The following KDM3A variants were observed in gnomAD, a reference collection of about 807,000 sequenced individuals.
The protein encoded by KDM3A is lysine demethylase 3A, also known as lysine-specific demethylase 3A.
A neutral mutation model predicts 158.0 loss-of-function variants in KDM3A; 60 were observed. The observed-to-expected ratio is 0.38, with a 90% CI of 0.31 to 0.47. The LOEUF (loss-of-function observed/expected upper bound fraction) is 0.47. KDM3A is among the 20% of genes least tolerant of loss of function. The probability of loss-of-function intolerance (pLI) is 0.99; values close to 1 mark genes in which losing one functional copy is unlikely to be tolerated. For synonymous variants in KDM3A, 608 were observed against 549.3 expected (o/e 1.11, Z -1.49); for missense variants, 1,319 against 1,574.3 (o/e 0.84, Z 2.74).
At chr2:86,471,012 T>G (rs561955682) in intron 11 of KDM3A, among the ~76,000 whole-genome samples, 1 of 152,126 alleles carries the variant, frequency 6.6e-6, no homozygotes, top group Non-Finnish European at 1.5e-5. Flanking sequence ...TTACTAGAAG[T>G]GGCATTTCTG....
chr2:86,489,887 T>G, intron 23 of KDM3A: 1 of 413,012 alleles, frequency 2.4e-6, no homozygotes, highest in Non-Finnish European at 4.3e-6. Flanking sequence ...GTCTGTGTTT[T>G]GTGTTAGAGT....
chr2:86,457,151 A>T, intron 8 of KDM3A, 80 bp downstream of exon 8: 1 of 512,318 alleles, frequency 2.0e-6, no homozygotes, highest in South Asian at 7.5e-5. Flanking sequence ...TTTATTATTT[A>T]TTTAATTATT....
chr2:86,449,866 C>T lies in KDM3A; in HGVS notation c.246C>T (p.Ser82=), dbSNP rs1672368091. 6.2e-7 allele frequency: 1 copy of T among 1,613,290 alleles called. No individual in the cohort carries two copies. The highest frequency in any genetic ancestry group is 1.3e-5 in the African/African-American group (1 of 74,922). ...WRKRRWIEVY[S]LLRRAFLVEH... Reference sequence around the variant, plus strand: ...AAAGAAGATGGATAGAAGTCTACAGCCTTCTAAGGAGAGCATTTTTAGTAG... The same window carrying T: ...AAAGAAGATGGATAGAAGTCTACAGTCTTCTAAGGAGAGCATTTTTAGTAG... The change falls in exon 3 of 26, where the codon AGC becomes AGT. Residue 82 remains serine (S), a synonymous_variant. Transcript: ENST00000312912.
chr2:86,455,589 A>C (rs1267716569), intron 5 of KDM3A, among the ~76,000 whole-genome samples: 5 of 152,236 alleles, frequency 3.3e-5, no homozygotes, highest in African/African-American at 9.6e-5. Context: ...TTTAAAATTC[A>C]AAAAATGTGT....
In KDM3A at chr2:86,469,724, G is replaced by A. The variant is rs541992655; in HGVS notation, c.1520-480G>A. 6.6e-5 allele frequency among the ~76,000 whole-genome samples: 10 copies of A among 152,192 alleles called. No homozygotes were observed. The South Asian group carries it at 1.2e-3, about 19-fold the overall frequency. On this transcript the variant is annotated intron_variant, in intron 10 of 25. Transcript: ENST00000312912. ...CAGGGGCTACGTAGGAAAGTGATTC[G>A]TTTATTGTTATTTTTAGAATGGTTA...
At chr2:86,450,976 T>C (rs1245686196) in intron 3 of KDM3A, 127 bp from the exon 4 acceptor site, 2 of 577,042 alleles carry the variant, frequency 3.5e-6, no homozygotes, top group African/African-American at 1.9e-5. Context: ...TGTTATGAGA[T>C]AACTTGCAGT....
intron 2 of KDM3A, among the ~76,000 whole-genome samples, chr2:86,444,724 C>T (rs773210538): frequency 4.6e-5 from 7 of 152,080 alleles, no homozygotes; most frequent in Non-Finnish European, 1.0e-4. Context: ...TGTAACCATT[C>T]TTCTATTATT....
intron 5 of KDM3A, among the ~76,000 whole-genome samples, chr2:86,456,185 C>T (rs1672687733): frequency 6.6e-6 from 1 of 151,640 alleles, no homozygotes; most frequent in Admixed American, 6.6e-5. Context: ...GAATTTGATT[C>T]CTCTAAAACT....
chr2:86,482,883 A>C (rs1674007043), intron 18 of KDM3A, 189 bp downstream of exon 18: 2 of 594,686 alleles, frequency 3.4e-6, no homozygotes, highest in African/African-American at 3.7e-5. Flanking sequence ...GATGGTCCTA[A>C]GCTGGACTTT....
intron 12 of KDM3A, among the ~76,000 whole-genome samples, chr2:86,475,510 C>T (rs917299768): frequency 8.5e-5 from 13 of 152,274 alleles, no homozygotes; most frequent in African/African-American, 3.1e-4. Flanking sequence ...GTGTCTTCCC[C>T]TCTTTGGGAG....
At chr2:86,480,065 GAT>G in intron 15 of KDM3A, 100 bp from the exon 16 acceptor site, 2 of 906,346 alleles carry the variant, frequency 2.2e-6, no homozygotes. Context: ...TTTTGTTCTG[GAT>G]ATTTATCTTA....
intron 13 of KDM3A, 65 bp downstream of exon 13, chr2:86,478,094 T>G (rs753989791): frequency 6.2e-7 from 1 of 1,610,834 alleles, no homozygotes; most frequent in East Asian, 2.2e-5. Flanking sequence ...TTTGTTGATT[T>G]GTGTTTGGCG....
intron 21 of KDM3A, chr2:86,487,339 G>A (rs1458197264): frequency 6.6e-6 from 1 of 152,098 alleles, no homozygotes; most frequent in Non-Finnish European, 1.5e-5. Context: ...ATAATGATGT[G>A]TTCATTTTCA....
intron 24 of KDM3A, 38 bp from the exon 25 acceptor site, chr2:86,491,103 T>C (rs1674432991): frequency 1.2e-6 from 2 of 1,613,152 alleles, no homozygotes; most frequent in Middle Eastern, 1.7e-4. Flanking sequence ...TCATGAACTT[T>C]TGGGTTTGTT....
chr2:86,482,063 T>G lies in KDM3A; in HGVS notation c.2646T>G (p.Ser882=), dbSNP rs751651265. The G allele has an allele frequency of 1.9e-6, 3 of 1,614,226 alleles. No individual in the cohort carries two copies. Among genetic ancestry groups the G allele is most frequent in the Non-Finnish European group, 2.5e-6 (3 of 1,180,020 alleles). Residue 882 remains serine (S), a synonymous_variant, in exon 17 of 26, where the codon TCT becomes TCG. Transcript: ENST00000312912. ...TGACACCCGTAAGCAACAACAATTC[T>G]GGTTTCCTCCGGAATCTCTTGAATT... ...TILTPVSNNN[S]GFLRNLLNSS...
intron 14 of KDM3A, 70 bp from the exon 15 acceptor site, chr2:86,478,538 T>G (rs1673771104): frequency 6.5e-7 from 1 of 1,539,440 alleles, no homozygotes; most frequent in Non-Finnish European, 8.9e-7. Flanking sequence ...TGCCAGCTTC[T>G]GCTCTGTAAT....
intron 16 of KDM3A, among the ~76,000 whole-genome samples, 153 bp downstream of exon 16, chr2:86,480,515 CA>C (rs1421615845): frequency 2.0e-5 from 3 of 152,192 alleles, no homozygotes; most frequent in African/African-American, 7.2e-5. Context: ...TTTTGAAATG[CA>C]GCACCAAAGA....
intron 4 of KDM3A, among the ~76,000 whole-genome samples, chr2:86,454,022 CTG>C (rs1672583267): frequency 6.6e-6 from 1 of 152,168 alleles, no homozygotes; most frequent in Non-Finnish European, 1.5e-5. Flanking sequence ...AGCCAGAAGA[CTG>C]TGGAATAGTG....
intron 14 of KDM3A, 25 bp from the exon 15 acceptor site, chr2:86,478,583 A>G (rs200532900): frequency 8.1e-5 from 131 of 1,612,540 alleles, no homozygotes; most frequent in Non-Finnish European, 1.1e-4. Flanking sequence ...CCTTGTTCAG[A>G]TGTTTGCCTC....
Sources: gnomAD v4.1 joint callset for allele counts (sites outside exome capture counted in the v4.1 genomes callset) on GRCh38, gnomAD v4.1.1 for gene constraint, MANE v1.5 for transcripts, NCBI Gene and HGNC (gene_info 2026-07-23, HGNC 2026-07-21) for gene names.